GRK1: variants seen among roughly 807,000 people sequenced by gnomAD.
GRK1 encodes the protein rhodopsin kinase GRK1.
A neutral mutation model predicts 41.7 loss-of-function variants in GRK1; 28 were observed. That is an observed-to-expected ratio of 0.67 (90% confidence interval 0.50 to 0.92). GRK1 has a LOEUF of 0.92. GRK1 is among the 40% of genes least tolerant of loss of function. The pLI is 0.00. For missense variants in GRK1, 703 were observed against 671.2 expected (o/e 1.05, Z -0.52); for synonymous variants, 327 against 286.7 (o/e 1.14, Z -1.42).
intron 4 of GRK1, chr13:113,726,482 G>T (rs1438253005): frequency 6.2e-6 from 1 of 160,002 alleles, no homozygotes; most frequent in African/African-American, 2.4e-5. Context: ...GGGCGGGGCC[G>T]GTCATGCGCG....
At chr13:113,727,347 T>TTGTGGACTGTGGGCTGTAGGG (rs907215446) in intron 4 of GRK1, among the ~76,000 whole-genome samples, 1 of 151,908 alleles carries the variant, frequency 6.6e-6, no homozygotes, top group African/African-American at 2.4e-5. Context: ...GGGTTGTGGG[T>TTGTGGACTGTGGGCTGTAGGG]TGTGGACTGT....
chr13:113,672,072 T>C (rs1276498049), intron 3 of GRK1, among the ~76,000 whole-genome samples: 1 of 143,168 alleles, frequency 7.0e-6, no homozygotes, highest in African/African-American at 2.6e-5. Context: ...TGGGCAACAC[T>C]CACGCTCAGC....
At chr13:113,652,472 C>A in the GRK1 span, among the ~76,000 whole-genome samples, 1 of 152,212 alleles carries the variant, frequency 6.6e-6, no homozygotes, top group African/African-American at 2.4e-5. Flanking sequence ...CCTCCCCACA[C>A]CCCCTAAGGG....
In GRK1 at chr13:113,729,105, T is replaced by C. The variant is rs548197099; in HGVS notation, c.1070-2114T>C. The stretch of plus-strand genomic sequence containing the variant: ...CTTTTAGGGTGCTGAGGACTCGAGC[T>C]GAGACTGTGGGACGAGGCAGAGAAC... On this transcript the variant is annotated intron_variant, in intron 4 of 6. Transcript: ENST00000335678. Among the ~76,000 whole-genome samples, 7 of 152,214 alleles carry C rather than the reference T, an allele frequency of 4.6e-5. No individual in the cohort carries two copies. In the South Asian group the frequency reaches 1.5e-3, roughly 32 times the overall value.
At position 113,668,038 on chromosome 13, in the gene GRK1, T is replaced by C. The variant is rs369321523; in HGVS notation, c.652T>C (p.Cys218Arg). Reference protein sequence around the residue: ...QMKATGKLYACKKLNKKRLKK... With the variant: ...QMKATGKLYARKKLNKKRLKK... ...GAAGGCGACCGGCAAGCTGTATGCC[T>C]GCAAGAAGCTGAACAAGAAGCGGCT... The change falls in exon 1 of 7, where the codon TGC (cysteine) becomes CGC (arginine). Residue 218 changes from cysteine to arginine, a missense_variant. Transcript: ENST00000335678. 6 of 1,611,206 alleles carry C rather than the reference T, an allele frequency of 3.7e-6. No homozygotes were observed. Among genetic ancestry groups the C allele is most frequent in the Non-Finnish European group, 3.4e-6 (4 of 1,178,886 alleles).
intron 6 of GRK1, 85 bp from the exon 7 acceptor site, chr13:113,734,983 G>A (rs1594583723): frequency 2.3e-6 from 3 of 1,317,462 alleles, no homozygotes; most frequent in South Asian, 3.1e-5. Context: ...GCATCTGGGA[G>A]CCATGGGGGA....
chr13:113,670,044 C>T (rs112221405), intron 2 of GRK1, among the ~76,000 whole-genome samples: 28 of 152,318 alleles, frequency 1.8e-4, no homozygotes, highest in African/African-American at 5.5e-4. Context: ...AATCAGGGCT[C>T]GTCCTGTGTG....
At chr13:113,672,411 A>G (rs2049863644) in intron 3 of GRK1, among the ~76,000 whole-genome samples, 1 of 55,516 alleles carries the variant, frequency 1.8e-5, no homozygotes, top group Non-Finnish European at 3.9e-5. Context: ...GGTATGTGGA[A>G]TGTGGTGTGT....
At chr13:113,657,916 A>G in the GRK1 span, 1 of 823,222 alleles carries the variant, frequency 1.2e-6, no homozygotes, top group East Asian at 2.7e-5. Context: ...CCATCCAGGC[A>G]GCATCGGGGT....
chr13:113,728,074 G>T (rs1163321669), intron 4 of GRK1, among the ~76,000 whole-genome samples: 4 of 87,940 alleles, frequency 4.5e-5, no homozygotes, highest in African/African-American at 1.5e-4. Flanking sequence ...TGGCGATGAG[G>T]ACCCATGGCA....
rs1448615817 is a variant in GRK1, at chr13:113,669,578, T to TG, written c.700-108dup. 2.2e-6 allele frequency: 3 copies of TG among 1,350,214 alleles called. No individual in the cohort carries two copies. The Admixed American group carries it at 5.3e-5, about 24-fold the overall frequency. 83.6% of individuals were successfully genotyped at this position (1,350,214 alleles called of 1,614,324 possible). On this transcript the variant is annotated intron_variant, in intron 1 of 6. Coordinates refer to ENST00000335678, the MANE Select transcript of GRK1 (RefSeq NM_002929.3). ...GGCGCATTTAAAGCATGTTTGCGAC[T>TG]GCTCCGTGGCTGTGTGCAGTGGGCG...
At chr13:113,733,424 G>A (rs1468042158) in intron 6 of GRK1, among the ~76,000 whole-genome samples, 4 of 151,882 alleles carry the variant, frequency 2.6e-5, no homozygotes, top group East Asian at 3.9e-4. Flanking sequence ...GCCGTCTGCC[G>A]GGGAGAAAGT....
chr13:113,655,016 G>T, the GRK1 span: 4 of 1,577,874 alleles, frequency 2.5e-6, no homozygotes, highest in South Asian at 2.4e-5. Flanking sequence ...CCTTGAGCGC[G>T]TCCGTGATGT....
chr13:113,654,884 C>A, the GRK1 span: 3 of 1,614,130 alleles, frequency 1.9e-6, no homozygotes, highest in Non-Finnish European at 2.5e-6. Context: ...CATAGAGGCA[C>A]AGGGCGAAGA....
chr13:113,727,437 A>C (rs1488941908), intron 4 of GRK1, among the ~76,000 whole-genome samples: 1 of 151,514 alleles, frequency 6.6e-6, no homozygotes, highest in Admixed American at 6.6e-5. Flanking sequence ...TGGCCTGTGG[A>C]CCGTGGGCTG....
chr13:113,733,637 ATG>A (rs1566699495), intron 6 of GRK1, among the ~76,000 whole-genome samples: 1 of 124,430 alleles, frequency 8.0e-6, no homozygotes, highest in Non-Finnish European at 1.7e-5. Flanking sequence ...GTGTGTGCTC[ATG>A]TATGTGTGCA....
At chr13:113,653,127 G>A in the GRK1 span, 1 of 1,564,970 alleles carries the variant, frequency 6.4e-7, no homozygotes, top group Non-Finnish European at 8.7e-7. Flanking sequence ...ACGCCTGGCT[G>A]CCCCCCGGGA....
At chr13:113,733,131 G>A in intron 6 of GRK1, 46 bp downstream of exon 6, 3 of 1,503,434 alleles carry the variant, frequency 2.0e-6, no homozygotes, top group Non-Finnish European at 2.7e-6. Flanking sequence ...GTTCTGTGCT[G>A]TGTGGCCCTT....
chr13:113,658,118 C>G, the GRK1 span: 1 of 1,613,018 alleles, frequency 6.2e-7, no homozygotes, highest in Non-Finnish European at 8.5e-7. Flanking sequence ...GCTGGCCACA[C>G]GTCTTCTTCT....
Sources: allele counts gnomAD v4.1 joint callset (sites outside exome capture counted in the v4.1 genomes callset), GRCh38; gene constraint gnomAD v4.1.1; transcripts MANE v1.5; gene names NCBI Gene and HGNC (gene_info 2026-07-23, HGNC 2026-07-21).